The following JMJD1C variants were observed in gnomAD, a reference collection of about 807,000 sequenced individuals.
JMJD1C encodes the protein jumonji domain-containing protein 1C.
In JMJD1C, 31 loss-of-function variants were observed where a neutral mutation model predicts 245.3. The observed-to-expected ratio is 0.13, with a 90% CI of 0.09 to 0.17. The LOEUF is 0.17. JMJD1C is among the 10% of genes least tolerant of loss of function. JMJD1C has a pLI of 1.00. For synonymous variants in JMJD1C, 1,057 were observed against 1,017.4 expected, an observed-to-expected ratio of 1.04 and a Z score of -0.74; for missense variants, 2,691 against 3,000.2, an observed-to-expected ratio of 0.90 and a Z score of 2.41.
At chr10:63,477,663 T>C (rs2133174147) in intron 1 of JMJD1C, among the ~76,000 whole-genome samples, 1 of 152,022 alleles carries the variant, frequency 6.6e-6, no homozygotes, top group Non-Finnish European at 1.5e-5. Context: ...TAAAAAACTT[T>C]CAGAAGAAAA....
At chr10:63,464,984 C>T (rs1953093391) in intron 1 of JMJD1C, among the ~76,000 whole-genome samples, 1 of 152,220 alleles carries the variant, frequency 6.6e-6, no homozygotes, top group Non-Finnish European at 1.5e-5. Context: ...TAGGAATCCC[C>T]GGACTGTGTG....
intron 1 of JMJD1C, among the ~76,000 whole-genome samples, chr10:63,490,434 T>TA: frequency 6.7e-6 from 1 of 149,486 alleles, no homozygotes; most frequent in East Asian, 1.9e-4. Context: ...TTTTTTTTTT[T>TA]GAGACAAAGT....
At chr10:63,212,166 C>A (rs1847441049) in intron 8 of JMJD1C, among the ~76,000 whole-genome samples, 1 of 152,038 alleles carries the variant, frequency 6.6e-6, no homozygotes, top group Non-Finnish European at 1.5e-5. Context: ...CAAGGGCTGG[C>A]AGGGAAGGGG....
At chr10:63,375,540 G>GTGTGT (rs1235015512) in intron 2 of JMJD1C, among the ~76,000 whole-genome samples, 1 of 148,262 alleles carries the variant, frequency 6.7e-6, no homozygotes, top group Non-Finnish European at 1.5e-5. Flanking sequence ...TTACACGTGT[G>GTGTGT]TGTGTGTGTG....
At chr10:63,486,149 A>C (rs1474436932) in intron 1 of JMJD1C, among the ~76,000 whole-genome samples, 11 of 105,578 alleles carry the variant, frequency 1.0e-4, no homozygotes, top group African/African-American at 2.6e-4. Flanking sequence ...AAAAAAAAAA[A>C]AAAAAAAAAA....
At chr10:63,453,078 T>C (rs1247776234) in intron 1 of JMJD1C, among the ~76,000 whole-genome samples, 3 of 152,088 alleles carry the variant, frequency 2.0e-5, no homozygotes, top group Non-Finnish European at 4.4e-5. Flanking sequence ...AGTTTGAGAC[T>C]AGCCTGGCAA....
At chr10:63,472,662 A>T (rs1223671466) in intron 1 of JMJD1C, among the ~76,000 whole-genome samples, 1 of 152,114 alleles carries the variant, frequency 6.6e-6, no homozygotes, top group African/African-American at 2.4e-5. Flanking sequence ...CACAAGTTTT[A>T]AAATTTCATA....
chr10:63,477,766 T>C (rs927266929), intron 1 of JMJD1C, among the ~76,000 whole-genome samples: 4 of 152,000 alleles, frequency 2.6e-5, no homozygotes, highest in African/African-American at 9.7e-5. Flanking sequence ...TTAAACATAG[T>C]TAAAATTAAA....
In JMJD1C at chr10:63,208,804, G is replaced by A. The variant is rs1846968037; in HGVS notation, c.2868-3C>T. 2 of 1,559,376 alleles carry A rather than the reference G, an allele frequency of 1.3e-6. No homozygotes were observed. Among genetic ancestry groups the A allele is most frequent in the Non-Finnish European group, 1.7e-6 (2 of 1,158,508 alleles). ...TAAAAGCTTTTCTTTCTAATTCTCT[G>A]TAAAGAAAATACACAAATATTTCTG... On this transcript the variant is annotated splice_polypyrimidine_tract_variant and splice_region_variant and intron_variant, in intron 9 of 25. Transcript: ENST00000399262.
At chr10:63,319,255 TAAAA>T (rs59018554) in intron 2 of JMJD1C, among the ~76,000 whole-genome samples, 5 of 85,934 alleles carry the variant, frequency 5.8e-5, no homozygotes, top group African/African-American at 8.3e-5. Flanking sequence ...AGACTCCATC[TAAAA>T]AAAAAAAAAA....
chr10:63,355,585 C>T (rs1335478535), intron 2 of JMJD1C, among the ~76,000 whole-genome samples: 1 of 151,938 alleles, frequency 6.6e-6, no homozygotes, highest in Non-Finnish European at 1.5e-5. Context: ...AAAAATTGAG[C>T]AGTATGTGAA....
intron 3 of JMJD1C, among the ~76,000 whole-genome samples, chr10:63,235,422 G>A (rs1042744502): frequency 1.3e-5 from 2 of 152,086 alleles, no homozygotes; most frequent in African/African-American, 2.4e-5. Flanking sequence ...GCTTGAACCC[G>A]CGAGGCAGAG....
intron 23 of JMJD1C, chr10:63,177,433 C>A: frequency 3.1e-6 from 1 of 323,490 alleles, no homozygotes; most frequent in Non-Finnish European, 5.6e-6. Flanking sequence ...CTTTTCGCCA[C>A]CCAACTAATA....
intron 2 of JMJD1C, among the ~76,000 whole-genome samples, chr10:63,339,051 C>T (rs758896598): frequency 1.3e-5 from 2 of 151,990 alleles, no homozygotes; most frequent in Non-Finnish European, 2.9e-5. Context: ...CCAAGAGGCC[C>T]CTTGTTTATG....
In JMJD1C at chr10:63,206,646, T is replaced by C. The variant is rs373554892; in HGVS notation, c.5023A>G (p.Ser1675Gly). ...TTACTTCTTTCTTTGGCACTCCTGC[T>C]GAGAACTCCATTGGGTTTCAAATCT... ...EEDLKPNGVL[S>G]RSAKERSKLK... Residue 1675 changes from serine (S) to glycine (G), a missense_variant, in exon 10 of 26, where the codon AGC becomes GGC. Coordinates refer to ENST00000399262, the MANE Select transcript of JMJD1C (RefSeq NM_032776.3). 53 of 1,608,742 alleles carry C rather than the reference T, an allele frequency of 3.3e-5. No individual in the cohort carries two copies. Among genetic ancestry groups the C allele is most frequent in the Non-Finnish European group, 4.1e-5 (48 of 1,178,662 alleles).
At chr10:63,334,093 C>T (rs1293500259) in intron 2 of JMJD1C, among the ~76,000 whole-genome samples, 1 of 152,144 alleles carries the variant, frequency 6.6e-6, no homozygotes, top group Non-Finnish European at 1.5e-5. Context: ...TCACAAAATA[C>T]ATTAGATGCT....
At chr10:63,226,869 C>T (rs1962010) in intron 3 of JMJD1C, among the ~76,000 whole-genome samples, 19,365 of 151,802 alleles carry the variant, frequency 0.13, 1,572 homozygotes, top group South Asian at 0.28. Context: ...ACCAGCCTGA[C>T]CAACATGGTG....
intron 1 of JMJD1C, among the ~76,000 whole-genome samples, chr10:63,509,409 T>C (rs908274589): frequency 6.6e-6 from 1 of 152,212 alleles, no homozygotes; most frequent in Non-Finnish European, 1.5e-5. Flanking sequence ...GTTTTTTGAA[T>C]TAGGATAATG....
chr10:63,183,923 T>G (rs1157286168), intron 21 of JMJD1C, among the ~76,000 whole-genome samples: 2 of 152,244 alleles, frequency 1.3e-5, no homozygotes, highest in African/African-American at 4.8e-5. Flanking sequence ...TTAGACAATT[T>G]GTAGGAACAG....
Sources: allele counts gnomAD v4.1 joint callset (sites outside exome capture counted in the v4.1 genomes callset), GRCh38; gene constraint gnomAD v4.1.1; transcripts MANE v1.5; gene names NCBI Gene and HGNC (gene_info 2026-07-23, HGNC 2026-07-21).